Variants in EPHA3 observed in about 807,000 individuals in gnomAD.
The protein encoded by EPHA3 is ephrin type-A receptor 3.
EPHA3 carries 42 observed loss-of-function variants against 107.1 expected under a neutral mutation model. The ratio of observed to expected loss-of-function variants is 0.39; its 90% CI spans 0.31 to 0.51. EPHA3 has a LOEUF of 0.51. Among genes scored for constraint, EPHA3 ranks in the 20% least tolerant of loss-of-function variants. The pLI is 0.78. For synonymous variants in EPHA3, 461 were observed against 424.8 expected (o/e 1.09, Z -1.05); for missense variants, 1,183 against 1,211.2 (o/e 0.98, Z 0.35).
intron 13 of EPHA3, among the ~76,000 whole-genome samples, chr3:89,438,908 T>G (rs1329368932): frequency 6.6e-6 from 1 of 152,224 alleles, no homozygotes; most frequent in Non-Finnish European, 1.5e-5. Context: ...CCCATCTATT[T>G]CAGAGAGATG....
intron 5 of EPHA3, among the ~76,000 whole-genome samples, chr3:89,351,353 A>G (rs1208919287): frequency 2.0e-5 from 3 of 150,798 alleles, no homozygotes; most frequent in African/African-American, 7.3e-5. Flanking sequence ...GAAAAGCGCA[A>G]TATTCGGGTG....
intron 3 of EPHA3, among the ~76,000 whole-genome samples, chr3:89,231,821 G>A (rs1266758104): frequency 6.6e-6 from 1 of 152,192 alleles, no homozygotes. Context: ...CTTCAGAAAT[G>A]ATGACCCAAA....
At chr3:89,232,229 T>C (rs528537067) in intron 3 of EPHA3, among the ~76,000 whole-genome samples, 1 of 152,140 alleles carries the variant, frequency 6.6e-6, no homozygotes, top group African/African-American at 2.4e-5. Flanking sequence ...GGAATTTTAA[T>C]TCACATGTAT....
At chr3:89,451,184 C>A (rs1183004844) in intron 15 of EPHA3, among the ~76,000 whole-genome samples, 1 of 152,116 alleles carries the variant, frequency 6.6e-6, no homozygotes, top group Non-Finnish European at 1.5e-5. Flanking sequence ...AGCTGTAATG[C>A]AATCCTGGAT....
At chr3:89,307,506 G>GGT (rs1706652499) in intron 3 of EPHA3, among the ~76,000 whole-genome samples, 1 of 152,116 alleles carries the variant, frequency 6.6e-6, no homozygotes, top group African/African-American at 2.4e-5. Flanking sequence ...TTGTCTAAAT[G>GGT]GTATATATAT....
At chr3:89,280,796 T>G (rs556936034) in intron 3 of EPHA3, among the ~76,000 whole-genome samples, 18 of 152,208 alleles carry the variant, frequency 1.2e-4, no homozygotes, top group Non-Finnish European at 2.1e-4. Flanking sequence ...TTGCTATCTA[T>G]GAGTAGGGTA....
At chr3:89,399,688 A>G in intron 7 of EPHA3, 4 of 1,255,094 alleles carry the variant, frequency 3.2e-6, no homozygotes, top group Non-Finnish European at 3.0e-6. Flanking sequence ...TTTTTCTTGT[A>G]TGCAAATCAA....
chr3:89,149,971 C>T (rs973105861), intron 2 of EPHA3, among the ~76,000 whole-genome samples: 9 of 151,908 alleles, frequency 5.9e-5, no homozygotes, highest in Non-Finnish European at 1.0e-4. Context: ...AAATATATTT[C>T]TGTGTACAAG....
Position 89,472,454 on chromosome 3 carries a change from T to C in EPHA3, c.2691-10T>C, listed in dbSNP as rs772414625. 9.3e-6 allele frequency: 15 copies of C among 1,612,826 alleles called. No individual in the cohort carries two copies. The highest frequency in any genetic ancestry group is 2.2e-5 in the South Asian group (2 of 90,874). On this transcript the variant is annotated splice_polypyrimidine_tract_variant and intron_variant, in intron 15 of 16. Transcript: ENST00000336596. ...TGATCTGTCTCCCTTTGGTGTTTTT[T>C]TTCTTGCAGGCCATCAAACCTTCTT... is the stretch of plus-strand genomic sequence containing the variant.
At chr3:89,112,223 G>T (rs964751855) in intron 1 of EPHA3, among the ~76,000 whole-genome samples, 3 of 152,008 alleles carry the variant, frequency 2.0e-5, no homozygotes, top group African/African-American at 4.8e-5. Context: ...ACAAAATATT[G>T]TACAGAATCA....
intron 3 of EPHA3, among the ~76,000 whole-genome samples, chr3:89,260,938 C>G (rs1705401064): frequency 6.6e-6 from 1 of 152,184 alleles, no homozygotes; most frequent in Non-Finnish European, 1.5e-5. Flanking sequence ...TGCTATTTCT[C>G]AATACATAGC....
chr3:89,431,006 A>G lies in EPHA3; in HGVS notation c.2137-144A>G, dbSNP rs560448676. 16 of 707,452 alleles carry G rather than the reference A, an allele frequency of 2.3e-5. No individual in the cohort carries two copies. The East Asian group carries it at 4.1e-4, about 18-fold the overall frequency. 43.8% of individuals were successfully genotyped at this position (707,452 alleles called of 1,614,324 possible). ...TGTTTCAGCCTTGTATCCATTTGCC[A>G]CATATCTTTGTCTTGAGTGCTTAGG... On this transcript the variant is annotated intron_variant, in intron 12 of 16. Coordinates refer to ENST00000336596, the MANE Select transcript of EPHA3 (RefSeq NM_005233.6).
chr3:89,132,351 G>A lies in EPHA3; in HGVS notation c.153+5078G>A, dbSNP rs551925643. Among the ~76,000 whole-genome samples, 13 of 152,330 alleles carry A rather than the reference G, an allele frequency of 8.5e-5. No homozygotes were observed. In the Middle Eastern group the frequency reaches 0.02, roughly 239 times the overall value. On this transcript the variant is annotated intron_variant, in intron 2 of 16. Transcript: ENST00000336596. Reference sequence around the variant, plus strand: ...AAATAAAAGGCATCCTTACAGGATAGAATGTTTTATCTTTGCTCAAATATT... The same window carrying A: ...AAATAAAAGGCATCCTTACAGGATAAAATGTTTTATCTTTGCTCAAATATT...
intron 1 of EPHA3, among the ~76,000 whole-genome samples, chr3:89,111,508 T>TCCCCCCCC (rs143096995): frequency 1.6e-5 from 2 of 129,006 alleles, no homozygotes; most frequent in African/African-American, 2.7e-5. Flanking sequence ...CACCCCTACA[T>TCCCCCCCC]CCCCCCCCCA....
At chr3:89,305,579 T>A (rs1362553075) in intron 3 of EPHA3, among the ~76,000 whole-genome samples, 1 of 152,166 alleles carries the variant, frequency 6.6e-6, no homozygotes, top group Non-Finnish European at 1.5e-5. Flanking sequence ...TTCTTTAATA[T>A]CTCCTTTACC....
chr3:89,322,644 C>T lies in EPHA3; in HGVS notation c.815-18272C>T, dbSNP rs547758699. Among the ~76,000 whole-genome samples, 6 of 152,048 alleles carry T rather than the reference C, an allele frequency of 3.9e-5. No homozygotes were observed. The East Asian group carries it at 7.8e-4, about 20-fold the overall frequency. On this transcript the variant is annotated intron_variant, in intron 3 of 16. Coordinates refer to ENST00000336596, the MANE Select transcript of EPHA3 (RefSeq NM_005233.6). ...CCTAAGAAATAAAAATTTATAATTG[C>T]CAGTATTGGGAGTGGGAAGAGTGTA...
intron 2 of EPHA3, among the ~76,000 whole-genome samples, chr3:89,179,092 C>T (rs113027697): frequency 9.9e-4 from 150 of 151,780 alleles, no homozygotes; most frequent in African/African-American, 3.6e-3. Flanking sequence ...TTTCTTTATA[C>T]CTAATGAACC....
At chr3:89,224,339 G>A (rs954680328) in intron 3 of EPHA3, among the ~76,000 whole-genome samples, 4 of 152,080 alleles carry the variant, frequency 2.6e-5, no homozygotes, top group African/African-American at 9.7e-5. Context: ...CAAATGAGTT[G>A]GGATAGTTAA....
chr3:89,112,961 T>G (rs1450224702), intron 1 of EPHA3, among the ~76,000 whole-genome samples: 4 of 152,192 alleles, frequency 2.6e-5, no homozygotes, highest in African/African-American at 7.2e-5. Flanking sequence ...CCTTGTTCCT[T>G]TAATTCCTGT....
Sources: gnomAD v4.1 joint callset for allele counts (sites outside exome capture counted in the v4.1 genomes callset) on GRCh38, gnomAD v4.1.1 for gene constraint, MANE v1.5 for transcripts, NCBI Gene and HGNC (gene_info 2026-07-23, HGNC 2026-07-21) for gene names.